Variants in CPNE7 observed in about 807,000 individuals in gnomAD.
The protein encoded by CPNE7 is copine 7.
Under a neutral mutation model 66.5 loss-of-function variants are expected in CPNE7, and 78 were observed. The observed-to-expected ratio is 1.17, with a 90% CI of 0.98 to 1.42. The LOEUF (loss-of-function observed/expected upper bound fraction) is 1.42. Among genes scored for constraint, CPNE7 ranks in the 40% most tolerant of loss-of-function variants. CPNE7 has a pLI of 0.00. For missense variants in CPNE7, 1,012 were observed against 776.6 expected, an observed-to-expected ratio of 1.30 and a Z score of -3.60; for synonymous variants, 468 against 336.7, an observed-to-expected ratio of 1.39 and a Z score of -4.27.
rs371770991 is a variant in CPNE7 at position 89,587,051 on chromosome 16, G to A, written c.876G>A (p.Arg292=). 2 of 1,580,530 alleles carry A rather than the reference G, an allele frequency of 1.3e-6. No individual in the cohort carries two copies. The highest frequency in any genetic ancestry group is 1.3e-5 in the African/African-American group (1 of 74,094). Residue 292 remains arginine (R), a synonymous_variant, in exon 9 of 15, where the codon AGG becomes AGA. Transcript: ENST00000319518. ...ACTCCGCCGGCCGGAAGTTCCACAG[G>A]GTGTACTCCTTCCTGGACTATATCA... ...VVVLADLKFH[R]VYSFLDYIMG... is the part of the protein sequence containing the mutation.
At chr16:89,587,169 G>A (rs1330034291) in intron 9 of CPNE7, 67 bp downstream of exon 9, 1 of 617,938 alleles carries the variant, frequency 1.6e-6, no homozygotes, top group Non-Finnish European at 2.3e-6. Flanking sequence ...CGCCCCCTCA[G>A]TCCGTGGCCC....
chr16:89,596,459 G>T (rs1281743750), intron 14 of CPNE7, 25 bp from the exon 15 acceptor site: 5 of 1,594,622 alleles, frequency 3.1e-6, no homozygotes, highest in Middle Eastern at 1.7e-4. Flanking sequence ...GGTCCCAGAG[G>T]TAACTGCGTT....
At chr16:89,592,356 G>A (rs1028526087) in intron 13 of CPNE7, among the ~76,000 whole-genome samples, 1 of 151,352 alleles carries the variant, frequency 6.6e-6, no homozygotes, top group Non-Finnish European at 1.5e-5. Flanking sequence ...AGAGCTCTGA[G>A]GTCCTGCAAC....
intron 13 of CPNE7, 142 bp downstream of exon 13, chr16:89,591,402 GC>G: frequency 2.4e-6 from 3 of 1,234,350 alleles, no homozygotes; most frequent in Non-Finnish European, 3.3e-6. Context: ...GAGGGCGGGG[GC>G]CCAGCTGGTT....
intron 2 of CPNE7, among the ~76,000 whole-genome samples, chr16:89,583,096 C>T (rs988307364): frequency 6.6e-6 from 1 of 152,214 alleles, no homozygotes; most frequent in African/African-American, 2.4e-5. Context: ...GAGGAGGCCC[C>T]GGCTGCATGA....
chr16:89,588,423 C>A (rs1055344346), intron 9 of CPNE7, among the ~76,000 whole-genome samples: 2 of 152,154 alleles, frequency 1.3e-5, no homozygotes, highest in African/African-American at 4.8e-5. Flanking sequence ...GGGGCCCCCA[C>A]AAGGCCAGGG....
At chr16:89,579,017 A>G (rs769689348) in intron 2 of CPNE7, 8 of 1,567,558 alleles carry the variant, frequency 5.1e-6, no homozygotes, top group South Asian at 2.3e-5. Context: ...CAGGCCGGGC[A>G]CGGTGGCTCA....
rs112183268 is a variant in CPNE7 at position 89,586,993 on chromosome 16, T to C, written c.868-50T>C. The C allele has an allele frequency of 2.0e-3, 3,125 of 1,539,116 alleles. 54 individuals carry two copies. In the African/African-American group the frequency reaches 0.038, roughly 19 times the overall value. ...GGCAGGCCTGGATCCCAGCTGGCAC[T>C]GGCCTCAGTGTCCCTGGCGGGGGTG... On this transcript the variant is annotated intron_variant, in intron 8 of 14. Coordinates refer to ENST00000319518, the MANE Select transcript of CPNE7 (RefSeq NM_153636.3).
chr16:89,593,954 C>G (rs1228424855), intron 13 of CPNE7: 2 of 152,184 alleles, frequency 1.3e-5, no homozygotes, highest in African/African-American at 4.8e-5. Flanking sequence ...AGATAAGCCT[C>G]TTTTTAAGCA....
chr16:89,590,631 G>A (rs1007027748), intron 11 of CPNE7, among the ~76,000 whole-genome samples: 2 of 151,388 alleles, frequency 1.3e-5, no homozygotes, highest in South Asian at 2.1e-4. Flanking sequence ...CTGGATCCAG[G>A]GAGGTCTGCC....
chr16:89,582,477 C>T (rs2058970484), intron 2 of CPNE7, among the ~76,000 whole-genome samples: 1 of 152,216 alleles, frequency 6.6e-6, no homozygotes, highest in Non-Finnish European at 1.5e-5. Flanking sequence ...CAAACCAGGC[C>T]GGCAGGCGAG....
At chr16:89,583,891 T>C (rs1379099860) in intron 3 of CPNE7, 120 bp downstream of exon 3, 2 of 1,443,518 alleles carry the variant, frequency 1.4e-6, no homozygotes, top group African/African-American at 1.4e-5. Flanking sequence ...AGCCGGCAGC[T>C]ACACAGCCCC....
In CPNE7 at chr16:89,596,488, C is replaced by T; in HGVS notation, c.1544C>T (p.Ser515Phe). Residue 515 changes from serine to phenylalanine, a missense_variant, in exon 15 of 15, where the codon TCC (serine) becomes TTC (phenylalanine). Ser to Phe is a radical substitution (Grantham distance 155). Coordinates refer to ENST00000319518, the MANE Select transcript of CPNE7 (RefSeq NM_153636.3). The stretch of plus-strand genomic sequence containing the variant: ...CTGCGTTGTCCCATCCTCCAGGCAT[C>T]CCCTGCGGCGCTGGCCAAGTGCGTG... ...FVPFRELKNA[S>F]PAALAKCVLA... The T allele has an allele frequency of 6.2e-7, 1 of 1,606,378 alleles. No individual in the cohort carries two copies. The highest frequency in any genetic ancestry group is 1.3e-5 in the African/African-American group (1 of 74,824).
intron 10 of CPNE7, 56 bp downstream of exon 10, chr16:89,588,864 C>G: frequency 6.3e-7 from 1 of 1,598,200 alleles, no homozygotes; most frequent in Non-Finnish European, 8.5e-7. Context: ...ATGACAGGTG[C>G]GCCTGGCCGT....
At chr16:89,578,212 C>G (rs1472924426) in intron 2 of CPNE7, among the ~76,000 whole-genome samples, 3 of 151,690 alleles carry the variant, frequency 2.0e-5, no homozygotes, top group African/African-American at 7.3e-5. Context: ...TTACAGGCAC[C>G]CGCCACCACG....
chr16:89,585,422 G>A, intron 5 of CPNE7, 42 bp from the exon 6 acceptor site: 1 of 1,434,586 alleles, frequency 7.0e-7, no homozygotes, highest in Non-Finnish European at 9.7e-7. Flanking sequence ...AAGGATCCCA[G>A]GGCCCTGGGC....
rs984430858 is a variant in CPNE7, at chr16:89,596,897, A to C, written c.*276A>C. The C allele has an allele frequency of 4.7e-5, 17 of 364,832 alleles. No individual in the cohort carries two copies. The Admixed American group carries it at 7.6e-4, about 16-fold the overall frequency. 22.6% of individuals were successfully genotyped at this position (364,832 alleles called of 1,614,324 possible). A position where few individuals can be genotyped will look rare whatever the true frequency, so the allele number is the denominator to read the frequency against. Reference sequence around the variant, plus strand: ...CATGAGGGACTTGGAGGGAGCTGGGAGTTCATCCACGGGAGACCCTGCCCC... The same window carrying C: ...CATGAGGGACTTGGAGGGAGCTGGGCGTTCATCCACGGGAGACCCTGCCCC... On this transcript the variant is annotated 3_prime_UTR_variant, in exon 15 of 15. Coordinates refer to ENST00000319518, the MANE Select transcript of CPNE7 (RefSeq NM_153636.3).
intron 3 of CPNE7, 89 bp from the exon 4 acceptor site, chr16:89,583,939 T>C (rs1163253771): frequency 2.6e-6 from 4 of 1,527,242 alleles, no homozygotes; most frequent in Middle Eastern, 1.9e-4. Flanking sequence ...CCCCGCTGGG[T>C]GGGGTCAGCC....
chr16:89,590,942 G>A (rs2059157767), intron 11 of CPNE7, 65 bp from the exon 12 acceptor site: 1 of 1,587,922 alleles, frequency 6.3e-7, no homozygotes, highest in African/African-American at 1.3e-5. Context: ...AGCTGACCGA[G>A]GGACATGGGG....
Sources: gnomAD v4.1 joint callset for allele counts (sites outside exome capture counted in the v4.1 genomes callset) on GRCh38, gnomAD v4.1.1 for gene constraint, MANE v1.5 for transcripts, NCBI Gene and HGNC (gene_info 2026-07-23, HGNC 2026-07-21) for gene names.